Variants in GSE1 observed in about 807,000 individuals in gnomAD.
GSE1 encodes the protein genetic suppressor element 1.
A neutral mutation model predicts 112.6 loss-of-function variants in GSE1; 32 were observed. The ratio of observed to expected loss-of-function variants is 0.28; its 90% confidence interval spans 0.21 to 0.38. GSE1 has a LOEUF of 0.38. Ranked by LOEUF, GSE1 falls within the 10% of genes least tolerant of loss-of-function variation. GSE1 has a pLI of 1.00. For missense variants in GSE1, 2,348 were observed against 1,699.2 expected, an observed-to-expected ratio of 1.38 and a Z score of -6.71; for synonymous variants, 1,115 against 735.6, an observed-to-expected ratio of 1.52 and a Z score of -8.35.
At chr16:85,387,984 A>G (rs1472738305) in intron 2 of GSE1, among the ~76,000 whole-genome samples, 3 of 99,024 alleles carry the variant, frequency 3.0e-5, no homozygotes, top group Admixed American at 2.1e-4. Flanking sequence ...GGGTGAGTGG[A>G]TGGGTGGGTG....
rs1018164461 is a variant in GSE1, at chr16:85,660,659, C to T, written c.1641-487C>T. On this transcript the variant is annotated intron_variant, in intron 8 of 15. Transcript: ENST00000253458. ...TTTTTTGTTTTTTTTGAGACGGAGTCTTGCTCTGTCGCCTAGGCTGGAGTG... is the reference window on the plus strand; with the variant it reads ...TTTTTTGTTTTTTTTGAGACGGAGTTTTGCTCTGTCGCCTAGGCTGGAGTG... Among the ~76,000 whole-genome samples the T allele has an allele frequency of 2.0e-5, 3 of 150,804 alleles. No homozygotes were observed. The East Asian group carries it at 6.2e-4, about 31-fold the overall frequency.
At chr16:85,365,213 C>T (rs2047162216) in intron 2 of GSE1, among the ~76,000 whole-genome samples, 1 of 152,232 alleles carries the variant, frequency 6.6e-6, no homozygotes, top group Admixed American at 6.5e-5. Flanking sequence ...TCACACCCGC[C>T]CCCAGTATCC....
At chr16:85,364,314 CT>C (rs2047142480) in intron 2 of GSE1, among the ~76,000 whole-genome samples, 1 of 152,206 alleles carries the variant, frequency 6.6e-6, no homozygotes, top group Non-Finnish European at 1.5e-5. Flanking sequence ...TAGAAGGCCC[CT>C]GTGACTGCAC....
At chr16:85,351,078 C>A (rs1225262063) in intron 1 of GSE1, among the ~76,000 whole-genome samples, 2 of 152,216 alleles carry the variant, frequency 1.3e-5, no homozygotes, top group Admixed American at 1.3e-4. Flanking sequence ...GAAACCAAGG[C>A]CTGGAGGGGT....
chr16:85,533,490 CAT>C (rs2044205379), intron 2 of GSE1, among the ~76,000 whole-genome samples: 1 of 152,078 alleles, frequency 6.6e-6, no homozygotes, highest in South Asian at 2.1e-4. Flanking sequence ...AGATCTTTAA[CAT>C]GTAGTACCTA....
At chr16:85,575,316 G>A (rs559786803) in intron 1 of GSE1, among the ~76,000 whole-genome samples, 6 of 152,294 alleles carry the variant, frequency 3.9e-5, no homozygotes, top group South Asian at 4.2e-4. Flanking sequence ...GTGTTTACCC[G>A]GGGAGTTCTG....
At chr16:85,577,227 G>T (rs2046265449) in intron 1 of GSE1, among the ~76,000 whole-genome samples, 1 of 152,198 alleles carries the variant, frequency 6.6e-6, no homozygotes, top group Non-Finnish European at 1.5e-5. Context: ...GGTAGGTGGT[G>T]GCTGATGCCC....
At chr16:85,239,087 C>T (rs1567631132) in intron 1 of GSE1, among the ~76,000 whole-genome samples, 1 of 152,130 alleles carries the variant, frequency 6.6e-6, no homozygotes, top group Non-Finnish European at 1.5e-5. Flanking sequence ...GCCACCACGC[C>T]CCCCTAATTT....
intron 1 of GSE1, among the ~76,000 whole-genome samples, chr16:85,566,380 A>G (rs1224108237): frequency 6.6e-6 from 1 of 152,236 alleles, no homozygotes; most frequent in Non-Finnish European, 1.5e-5. Flanking sequence ...CAAGTTCTGA[A>G]TAAGTAAAGA....
At chr16:85,623,110 C>T (rs893575222) in intron 1 of GSE1, among the ~76,000 whole-genome samples, 1 of 152,116 alleles carries the variant, frequency 6.6e-6, no homozygotes, top group Admixed American at 6.5e-5. Flanking sequence ...CTTGAAGCCT[C>T]CTATTTTAAG....
chr16:85,431,824 C>T (rs949612755), intron 2 of GSE1, among the ~76,000 whole-genome samples: 23 of 152,248 alleles, frequency 1.5e-4, no homozygotes, highest in Admixed American at 1.2e-3. Flanking sequence ...AGCCTCCAGC[C>T]TTCCCAATCC....
chr16:85,481,881 G>A (rs950921972), intron 2 of GSE1, among the ~76,000 whole-genome samples: 1 of 152,242 alleles, frequency 6.6e-6, no homozygotes, highest in Non-Finnish European at 1.5e-5. Context: ...AGAGGTGGCA[G>A]AGCTGGGGTG....
In GSE1 at chr16:85,297,837, T is replaced by C. The variant is rs146646762; in HGVS notation, c.2284-59626T>C. Among the ~76,000 whole-genome samples the C allele has an allele frequency of 2.0e-5, 3 of 152,274 alleles. No individual in the cohort carries two copies. In the East Asian group the frequency reaches 5.8e-4, roughly 29 times the overall value. On this transcript the variant is annotated intron_variant, in intron 1 of 2. Coordinates refer to the GSE1 transcript ENST00000637419. ...TTATCTTTTGAGTTTTATATTTCCT[T>C]GTCTCCCTCTGTTGCTGGGATATGA...
intron 1 of GSE1, among the ~76,000 whole-genome samples, chr16:85,310,198 C>T (rs967578029): frequency 7.9e-5 from 12 of 152,194 alleles, no homozygotes; most frequent in Non-Finnish European, 1.8e-4. Context: ...CGCCCTGACC[C>T]AGCCTGCCTG....
upstream of GSE1, among the ~76,000 whole-genome samples, chr16:85,554,101 A>C (rs905078538): frequency 6.6e-6 from 1 of 152,088 alleles, no homozygotes; most frequent in African/African-American, 2.4e-5. Flanking sequence ...CTCAGGAGGT[A>C]AAAGGGCTTG....
At chr16:85,411,732 A>T (rs1186019772) in intron 2 of GSE1, among the ~76,000 whole-genome samples, 1 of 59,000 alleles carries the variant, frequency 1.7e-5, no homozygotes, top group African/African-American at 1.1e-4. Context: ...TCACTGTTAC[A>T]CTCAGGGCCC....
chr16:85,414,095 C>G (rs1344182867), intron 2 of GSE1, among the ~76,000 whole-genome samples: 1 of 152,204 alleles, frequency 6.6e-6, no homozygotes, highest in African/African-American at 2.4e-5. Flanking sequence ...TTCTTTATAG[C>G]AGTGTGAGAA....
rs1034356990 is a variant in GSE1 at position 85,661,206 on chromosome 16, A to G, written c.1701A>G (p.Pro567=). The G allele has an allele frequency of 5.6e-6, 9 of 1,606,750 alleles. No individual in the cohort carries two copies. Among genetic ancestry groups the G allele is most frequent in the Non-Finnish European group, 7.7e-6 (9 of 1,175,080 alleles). ...GRDPPQHFGG[P]PPLISPKPQL... is the part of the protein sequence containing the mutation. The stretch of plus-strand genomic sequence containing the variant: ...ACCCTCCGCAGCACTTTGGGGGGCC[A>G]CCACCTCTGATTTCGCCCAAGCCCC... The change falls in exon 9 of 16, where the codon CCA becomes CCG. Residue 567 remains proline, a synonymous_variant. Transcript: ENST00000253458.
chr16:85,663,129 C>G (rs754222117), intron 10 of GSE1, 36 bp downstream of exon 10: 1 of 1,441,106 alleles, frequency 6.9e-7, no homozygotes, highest in South Asian at 1.1e-5. Context: ...ATGCTCTGGG[C>G]TGGGCTCTCG....
Sources: allele counts gnomAD v4.1 joint callset (sites outside exome capture counted in the v4.1 genomes callset), GRCh38; gene constraint gnomAD v4.1.1; transcripts MANE v1.5; gene names NCBI Gene and HGNC (gene_info 2026-07-23, HGNC 2026-07-21).